The following HTR1F variants were observed in gnomAD, a reference collection of about 807,000 sequenced individuals.
HTR1F encodes the protein 5-hydroxytryptamine (serotonin) receptor 1F, G protein-coupled.
In HTR1F, 17 loss-of-function variants were observed where a neutral mutation model predicts 24.0. The observed-to-expected ratio is 0.71, with a 90% CI of 0.48 to 1.06. HTR1F has a LOEUF of 1.06. Ranked by LOEUF, HTR1F falls within the 50% of genes least tolerant of loss-of-function variation. The probability of loss-of-function intolerance (pLI) is 0.00; values close to 1 mark genes in which losing one functional copy is unlikely to be tolerated. For synonymous variants in HTR1F, 186 were observed against 156.8 expected (o/e 1.19, Z -1.39); for missense variants, 391 against 427.8 (o/e 0.91, Z 0.76).
intron 2 of HTR1F, among the ~76,000 whole-genome samples, chr3:87,872,258 T>C (rs1705575038): frequency 6.6e-6 from 1 of 151,966 alleles, no homozygotes; most frequent in African/African-American, 2.4e-5. Flanking sequence ...GCAAAAACAA[T>C]ACTAAAAGAA....
At position 87,968,901 on chromosome 3, in the gene HTR1F, C is replaced by A. The variant is rs72917717; in HGVS notation, c.-42-21807C>A. Among the ~76,000 whole-genome samples, 746 of 152,306 alleles carry A rather than the reference C, an allele frequency of 4.9e-3. 2 individuals are homozygous for A. The highest frequency in any genetic ancestry group is 0.017 in the African/African-American group (721 of 41,562). On this transcript the variant is annotated intron_variant, in intron 2 of 2. Coordinates refer to ENST00000319595, the MANE Select transcript of HTR1F (RefSeq NM_001322209.2). ...CCCCCTGTTGTATGCAGCCTGGGGA[C>A]TTGGTACTCGGCATCCCAGCCACTC...
intron 2 of HTR1F, among the ~76,000 whole-genome samples, chr3:87,909,003 T>G (rs7434013): frequency 0.4 from 61,158 of 151,918 alleles, 12,686 homozygotes; most frequent in African/African-American, 0.5. Flanking sequence ...ATAATTAATG[T>G]TCTTAAATAT....
intron 2 of HTR1F, among the ~76,000 whole-genome samples, chr3:87,990,236 C>G (rs1705789517): frequency 6.6e-6 from 1 of 152,158 alleles, no homozygotes; most frequent in African/African-American, 2.4e-5. Flanking sequence ...AAGCAAAACT[C>G]TTGGTGGGCT....
rs1489582538 is a variant in HTR1F, at chr3:87,991,661, A to C, written c.912A>C (p.Ile304=). Residue 304 remains isoleucine (I), a synonymous_variant, in exon 3 of 3, where the codon ATA becomes ATC. Transcript: ENST00000319595. The part of the protein sequence containing the change: ...TLGLILGAFV[I]CWLPFFVKEL... Reference sequence around the variant, plus strand: ...GATTAATCTTGGGTGCATTTGTAATATGTTGGCTTCCTTTTTTTGTAAAAG... The same window carrying C: ...GATTAATCTTGGGTGCATTTGTAATCTGTTGGCTTCCTTTTTTTGTAAAAG... 6.2e-7 allele frequency: 1 copy of C among 1,613,360 alleles called. No homozygotes were observed. The highest frequency in any genetic ancestry group is 8.5e-7 in the Non-Finnish European group (1 of 1,179,696).
chr3:87,916,860 G>A (rs893749223), intron 2 of HTR1F, among the ~76,000 whole-genome samples: 1 of 151,976 alleles, frequency 6.6e-6, no homozygotes, highest in Non-Finnish European at 1.5e-5. Flanking sequence ...CTGGAACAAA[G>A]GGACTTAACA....
At chr3:87,861,844 G>C (rs1473945253) in intron 2 of HTR1F, among the ~76,000 whole-genome samples, 1 of 151,902 alleles carries the variant, frequency 6.6e-6, no homozygotes. Context: ...GTGCTCTAGG[G>C]ATTACATTCC....
intron 2 of HTR1F, among the ~76,000 whole-genome samples, chr3:87,977,937 A>C (rs1705434271): frequency 6.6e-6 from 1 of 152,142 alleles, no homozygotes; most frequent in African/African-American, 2.4e-5. Flanking sequence ...GGAAGTCTGC[A>C]CTTAGCTCAT....
chr3:87,872,279 TGG>T (rs1373994815), intron 2 of HTR1F, among the ~76,000 whole-genome samples: 1 of 152,122 alleles, frequency 6.6e-6, no homozygotes, highest in African/African-American at 2.4e-5. Context: ...AAGTTTGTAG[TGG>T]TAAACACCTA....
intron 2 of HTR1F, among the ~76,000 whole-genome samples, chr3:87,945,530 G>T (rs542715941): frequency 2.0e-5 from 3 of 152,194 alleles, no homozygotes; most frequent in Admixed American, 2.0e-4. Flanking sequence ...TTCTGGCTGC[G>T]CCATGATGTC....
At chr3:87,875,328 T>G (rs182473373) in intron 2 of HTR1F, among the ~76,000 whole-genome samples, 1 of 151,616 alleles carries the variant, frequency 6.6e-6, no homozygotes, top group East Asian at 2.0e-4. Context: ...TGGCTGCCTG[T>G]AATCCCAGCT....
rs1045609019 is a variant in HTR1F at position 87,893,015 on chromosome 3, G to A, written c.-43+70891G>A. ...TGTAAGTTAAGTATGATATATTATA[G>A]AAGAATGTTTTACAGTGTAGATCTT... On this transcript the variant is annotated intron_variant, in intron 2 of 2. Coordinates refer to ENST00000319595, the MANE Select transcript of HTR1F (RefSeq NM_001322209.2). 1.5e-4 allele frequency among the ~76,000 whole-genome samples: 23 copies of A among 152,000 alleles called. 1 individual carries two copies. Among genetic ancestry groups the A allele is most frequent in the Admixed American group, 9.2e-4 (14 of 15,256 alleles).
At chr3:87,921,786 G>A (rs1453682281) in intron 2 of HTR1F, among the ~76,000 whole-genome samples, 1 of 151,720 alleles carries the variant, frequency 6.6e-6, no homozygotes, top group Non-Finnish European at 1.5e-5. Flanking sequence ...TGAACAACTT[G>A]TTTACCATAG....
chr3:87,904,338 A>G (rs1703609652), intron 2 of HTR1F, among the ~76,000 whole-genome samples: 1 of 152,154 alleles, frequency 6.6e-6, no homozygotes, highest in Non-Finnish European at 1.5e-5. Flanking sequence ...GGGACACTCA[A>G]TACGCTTTGA....
chr3:87,853,337 T>C (rs1705129922), intron 2 of HTR1F, among the ~76,000 whole-genome samples: 1 of 152,128 alleles, frequency 6.6e-6, no homozygotes, highest in Non-Finnish European at 1.5e-5. Context: ...TTTCTGTTCC[T>C]GCGTTAGTTT....
chr3:87,825,673 T>A (rs551645597), intron 2 of HTR1F, among the ~76,000 whole-genome samples: 4 of 152,252 alleles, frequency 2.6e-5, no homozygotes, highest in Admixed American at 6.5e-5. Flanking sequence ...AGTCTCAGAG[T>A]CGCACTCGCC....
intron 2 of HTR1F, among the ~76,000 whole-genome samples, chr3:87,979,084 GAA>G (rs1559656491): frequency 1.4e-4 from 1 of 7,176 alleles, no homozygotes; most frequent in African/African-American, 3.9e-4. Flanking sequence ...AGGGGGGGAG[GAA>G]GGAAGGAAGG....
chr3:87,984,863 G>A (rs1329842676), intron 2 of HTR1F, among the ~76,000 whole-genome samples: 1 of 152,160 alleles, frequency 6.6e-6, no homozygotes, highest in East Asian at 1.9e-4. Context: ...AGAGCAAAAG[G>A]GAAGTCTCAG....
chr3:87,948,658 T>C (rs890844783), intron 2 of HTR1F, among the ~76,000 whole-genome samples: 16 of 152,088 alleles, frequency 1.1e-4, no homozygotes, highest in Admixed American at 6.5e-5. Context: ...ATTTTGCTTA[T>C]TTTTTGTAGA....
intron 1 of HTR1F, among the ~76,000 whole-genome samples, chr3:87,794,839 A>G (rs915488395): frequency 6.6e-6 from 1 of 152,182 alleles, no homozygotes; most frequent in Admixed American, 6.6e-5. Flanking sequence ...TATATTAACT[A>G]GTTATATTGT....
Sources: gnomAD v4.1 joint callset for allele counts (sites outside exome capture counted in the v4.1 genomes callset) on GRCh38, gnomAD v4.1.1 for gene constraint, MANE v1.5 for transcripts, NCBI Gene and HGNC (gene_info 2026-07-23, HGNC 2026-07-21) for gene names.